Variants in NBPF26 observed in about 807,000 individuals in gnomAD.
The protein encoded by NBPF26 is NBPF family member NBPF26.
A neutral mutation model predicts 119.6 loss-of-function variants in NBPF26; 79 were observed. That is an observed-to-expected ratio of 0.66 (90% CI 0.55 to 0.80). The LOEUF (loss-of-function observed/expected upper bound fraction) is 0.80. Ranked by LOEUF, NBPF26 falls within the 30% of genes least tolerant of loss-of-function variation. The pLI, the probability that NBPF26 is intolerant of heterozygous loss-of-function variation, is 0.00. For missense variants in NBPF26, 800 were observed against 1,198.2 expected (o/e 0.67, Z 4.91); for synonymous variants, 299 against 457.7 (o/e 0.65, Z 4.43).
At chr1:120,819,095 G>A (rs1261026099) in intron 15 of NBPF26, among the ~76,000 whole-genome samples, 1 of 124,884 alleles carries the variant, frequency 8.0e-6, no homozygotes, top group Non-Finnish European at 1.6e-5. Flanking sequence ...AGTCTCCCAT[G>A]ATGATTTTGT....
intron 2 of NBPF26, among the ~76,000 whole-genome samples, chr1:120,763,911 C>T (rs1240130786): frequency 9.6e-6 from 1 of 104,260 alleles, no homozygotes; most frequent in Non-Finnish European, 1.8e-5. Context: ...TTACTGTTAT[C>T]TTTCTCACTA....
At chr1:120,724,081 A>C in exon 1 of NBPF26, 3 of 1,302,708 alleles carry the variant, frequency 2.3e-6, no homozygotes, top group Non-Finnish European at 2.9e-6. Context: ...AGGGGAGGAG[A>C]GAGTGGGGCT....
At chr1:120,755,933 C>CTTT (rs1168463033) in intron 1 of NBPF26, among the ~76,000 whole-genome samples, 1 of 87,262 alleles carries the variant, frequency 1.1e-5, no homozygotes. Flanking sequence ...TCTCTTATTG[C>CTTT]TTTTTTTTTT....
At position 120,810,989 on chromosome 1, in the gene NBPF26, C is replaced by T. The variant is rs1418287404; in HGVS notation, c.1564+431C>T. On this transcript the variant is annotated intron_variant, in intron 9 of 29. Coordinates refer to ENST00000620612, the Ensembl canonical transcript of NBPF26. ...GGCGCAGTGGGTCACACCTGTAATC[C>T]GAGCACTTTGGGAGGCCGAGGCGGG... Among the ~76,000 whole-genome samples the T allele has an allele frequency of 4.7e-5, 5 of 105,390 alleles. 1 individual carries two copies. The highest frequency in any genetic ancestry group is 2.2e-4 in the East Asian group (1 of 4,630). The allele number at this position is 105,390 out of a possible 152,430, so 69.1% of individuals were successfully genotyped here.
intron 1 of NBPF26, among the ~76,000 whole-genome samples, chr1:120,745,210 A>G (rs1218055433): frequency 9.0e-6 from 1 of 111,086 alleles, no homozygotes; most frequent in Non-Finnish European, 1.7e-5. Flanking sequence ...GCTTTAGTCC[A>G]TGGTTTTTTA....
At position 120,754,753 on chromosome 1, in the gene NBPF26, T is replaced by A. The variant is rs1174431991; in HGVS notation, c.74-8875T>A. Among the ~76,000 whole-genome samples, 4 of 116,262 alleles carry A rather than the reference T, an allele frequency of 3.4e-5. 2 individuals carry two copies. Among genetic ancestry groups the A allele is most frequent in the African/African-American group, 2.0e-4 (4 of 19,766 alleles). 76.3% of individuals were successfully genotyped at this position (116,262 alleles called of 152,430 possible). A position where few individuals can be genotyped will look rare whatever the true frequency, so the allele number is the denominator to read the frequency against. On this transcript the variant is annotated intron_variant, in intron 1 of 29. Coordinates refer to ENST00000620612, the Ensembl canonical transcript of NBPF26. The stretch of plus-strand genomic sequence containing the variant: ...TAGGAGGCTAAGAGTGGAGAGTGTA[T>A]CTTCCTTCAAACAAATGGTAAGAAA...
At position 120,805,784 on chromosome 1, in the gene NBPF26, C is replaced by G. The variant is rs1553269815; in HGVS notation, c.961+19C>G. On this transcript the variant is annotated intron_variant, in intron 5 of 29. Coordinates refer to ENST00000620612, the Ensembl canonical transcript of NBPF26. ...AAATACAGTAAGATCTATAGGCTCA[C>G]CATCATGAAAGTGATGAATGATATC... is the stretch of plus-strand genomic sequence containing the variant. 322 of 1,349,376 alleles carry G rather than the reference C, an allele frequency of 2.4e-4. 93 individuals carry two copies. The African/African-American group carries it at 5.0e-3, about 21-fold the overall frequency. 83.6% of individuals were successfully genotyped at this position (1,349,376 alleles called of 1,614,324 possible).
At position 120,823,648 on chromosome 1, in the gene NBPF26, T is replaced by A. The variant is rs1229494985; in HGVS notation, c.2639+288T>A. The stretch of plus-strand genomic sequence containing the variant: ...ATTTTACGCAAAATTATTGAGGACA[T>A]GCTTTTCATGATCACTGTTCACTGT... On this transcript the variant is annotated intron_variant, in intron 17 of 29. Coordinates refer to ENST00000620612, the Ensembl canonical transcript of NBPF26. Among the ~76,000 whole-genome samples the A allele has an allele frequency of 2.4e-5, 3 of 124,936 alleles. 1 individual carries two copies. Among genetic ancestry groups the A allele is most frequent in the Non-Finnish European group, 4.9e-5 (3 of 61,204 alleles). The allele number at this position is 124,936 out of a possible 152,430, so 82.0% of individuals were successfully genotyped here.
exon 9 of NBPF26, chr1:120,810,470 A>G: frequency 6.3e-7 from 1 of 1,576,392 alleles, no homozygotes. Context: ...TCAAAATCAC[A>G]TTTGAGGAAG....
exon 4 of NBPF26, chr1:120,793,165 G>A: frequency 7.1e-7 from 1 of 1,416,030 alleles, no homozygotes; most frequent in Non-Finnish European, 9.4e-7. Context: ...CTTTAGGTAA[G>A]GAGTGCCAAT....
Position 120,728,186 on chromosome 1 carries a change from T to C in NBPF26, c.73+3936T>C, listed in dbSNP as rs1650836394. ...GCGTACATGAGGAAGGAATCGTGTATTTTCATTTATGTGTTTATTCTAATG... is the reference window on the plus strand; with the variant it reads ...GCGTACATGAGGAAGGAATCGTGTACTTTCATTTATGTGTTTATTCTAATG... On this transcript the variant is annotated intron_variant, in intron 1 of 29. Transcript: ENST00000620612. Among the ~76,000 whole-genome samples the C allele has an allele frequency of 1.9e-5, 2 of 108,050 alleles. 1 individual carries two copies. The highest frequency in any genetic ancestry group is 3.5e-5 in the Non-Finnish European group (2 of 57,622). The allele number at this position is 108,050 out of a possible 152,430, so 70.9% of individuals were successfully genotyped here.
rs1553271556 is a variant in NBPF26 at position 120,814,911 on chromosome 1, C to T, written c.1960C>T (p.Arg654Cys). Residue 654 changes from arginine (R) to cysteine (C), a missense_variant, in exon 12 of 30, where the codon CGC becomes TGC. Arg to Cys is a radical substitution (Grantham distance 180). This residue lies in a region of NBPF26 where 22 missense variants were observed against 33.0 expected (regional missense o/e 0.67). Transcript: ENST00000620612. ...GTTGCGGGAAGGGAGAGATGCCTCC[C>T]GCTCATTGAATGAGCATCTCCAGGC... is the stretch of plus-strand genomic sequence containing the variant. 18 of 1,215,164 alleles carry T rather than the reference C, an allele frequency of 1.5e-5. 3 individuals carry two copies. The highest frequency in any genetic ancestry group is 2.3e-5 in the East Asian group (1 of 43,554). The allele number at this position is 1,215,164 out of a possible 1,614,324, so 75.3% of individuals were successfully genotyped here. A position where few individuals can be genotyped will look rare whatever the true frequency, so the allele number is the denominator to read the frequency against.
intron 4 of NBPF26, among the ~76,000 whole-genome samples, chr1:120,794,424 C>A (rs1158883147): frequency 1.7e-5 from 2 of 114,966 alleles, no homozygotes; most frequent in Non-Finnish European, 3.3e-5. Context: ...ATACAAATAT[C>A]CTTAGTACAA....
intron 9 of NBPF26, among the ~76,000 whole-genome samples, chr1:120,810,937 G>T (rs1175979508): frequency 9.2e-6 from 1 of 108,688 alleles, no homozygotes. Flanking sequence ...TCATTGGCTT[G>T]TCTTAGCTAT....
At chr1:120,810,613 T>C (rs1651838209) in intron 9 of NBPF26, 55 bp downstream of exon 9, 1 of 1,349,492 alleles carries the variant, frequency 7.4e-7, no homozygotes, top group Non-Finnish European at 1.0e-6. Context: ...GGAAGGTCAA[T>C]TCTGAGGACA....
chr1:120,820,850 G>A (rs1267711213), intron 15 of NBPF26, among the ~76,000 whole-genome samples: 1 of 24 alleles, frequency 0.042, no homozygotes, highest in East Asian at 0.5. Flanking sequence ...CATTCTCCCC[G>A]TCACTTTCAG....
Position 120,729,736 on chromosome 1 carries a change from C to G in NBPF26, c.73+5486C>G, listed in dbSNP as rs1427931747. Among the ~76,000 whole-genome samples the G allele has an allele frequency of 4.3e-5, 5 of 116,896 alleles. 1 individual carries two copies. Among genetic ancestry groups the G allele is most frequent in the Admixed American group, 1.6e-4 (2 of 12,306 alleles). 76.7% of individuals were successfully genotyped at this position (116,896 alleles called of 152,430 possible). On this transcript the variant is annotated intron_variant, in intron 1 of 29. Transcript: ENST00000620612. ...AACTTCTCTTATGATAAGAATAGCT[C>G]AGGTGTTCTCATGGAGATTCTGATT...
chr1:120,840,596 A>C, exon 30 of NBPF26: 2 of 1,462,704 alleles, frequency 1.4e-6, no homozygotes, highest in Non-Finnish European at 1.8e-6. Flanking sequence ...CACAATAAGC[A>C]GCCCTTACTA....
intron 2 of NBPF26, among the ~76,000 whole-genome samples, chr1:120,783,559 T>A (rs1159479669): frequency 1.5e-5 from 1 of 65,864 alleles, no homozygotes; most frequent in Non-Finnish European, 2.5e-5. Context: ...CTTTTACAAA[T>A]GTTTAGTTTC....
Sources: gnomAD v4.1 joint callset for allele counts (sites outside exome capture counted in the v4.1 genomes callset) on GRCh38, gnomAD v4.1.1 for gene constraint, gnomAD v4.1.1 regional missense constraint, MANE v1.5 for transcripts, NCBI Gene and HGNC (gene_info 2026-07-23, HGNC 2026-07-21) for gene names.